The following NXPH1 variants were observed in gnomAD, a reference collection of about 807,000 sequenced individuals.
NXPH1 encodes the protein neurexophilin-1.
Under a neutral mutation model 23.7 loss-of-function variants are expected in NXPH1, and 5 were observed. The ratio of observed to expected loss-of-function variants is 0.21; its 90% CI spans 0.11 to 0.44. The LOEUF (loss-of-function observed/expected upper bound fraction) is 0.44, where lower values mean the gene tolerates loss of function less well. Ranked by LOEUF, NXPH1 falls within the 20% of genes least tolerant of loss-of-function variation. The pLI, the probability that NXPH1 is intolerant of heterozygous loss-of-function variation, is 0.99. For synonymous variants in NXPH1, 144 were observed against 122.2 expected (o/e 1.18, Z -1.18); for missense variants, 324 against 321.6 (o/e 1.01, Z -0.06).
intron 2 of NXPH1, among the ~76,000 whole-genome samples, chr7:8,671,341 G>A (rs536863494): frequency 1.4e-4 from 21 of 152,120 alleles, no homozygotes; most frequent in Non-Finnish European, 1.8e-4. Context: ...GGACAGATAG[G>A]TTCCTGAGCA....
chr7:8,600,431 C>A (rs60457812), intron 2 of NXPH1, among the ~76,000 whole-genome samples: 5,589 of 152,240 alleles, frequency 0.037, 305 homozygotes, highest in African/African-American at 0.12. Flanking sequence ...AGTGTCAGTT[C>A]CCAGGTATCA....
At chr7:8,441,990 C>T (rs1016803097) in intron 2 of NXPH1, among the ~76,000 whole-genome samples, 8 of 152,018 alleles carry the variant, frequency 5.3e-5, no homozygotes, top group Admixed American at 5.2e-4. Flanking sequence ...GCCGAAAGTT[C>T]CTTAGGCGTC....
At chr7:8,567,700 A>G (rs1158600980) in intron 2 of NXPH1, among the ~76,000 whole-genome samples, 5 of 151,828 alleles carry the variant, frequency 3.3e-5, no homozygotes, top group Admixed American at 3.3e-4. Context: ...AAGCCTGCAT[A>G]TTTCTCTGAG....
chr7:8,680,663 A>G (rs1430298484), intron 2 of NXPH1, among the ~76,000 whole-genome samples: 1 of 152,232 alleles, frequency 6.6e-6, no homozygotes, highest in Non-Finnish European at 1.5e-5. Flanking sequence ...GTGCTTAGTG[A>G]CTAAGGAAAA....
rs1208107351 is a variant in NXPH1 at position 8,434,103 on chromosome 7, G to A, written c.-763G>A. 2.0e-5 allele frequency: 3 copies of A among 152,274 alleles called. No individual in the cohort carries two copies. The East Asian group carries it at 5.8e-4, about 29-fold the overall frequency. The allele number at this position is 152,274 out of a possible 1,614,324, so 9.4% of individuals were successfully genotyped here. A position where few individuals can be genotyped will look rare whatever the true frequency, so the allele number is the denominator to read the frequency against. On this transcript the variant is annotated 5_prime_UTR_variant, in exon 1 of 3. Coordinates refer to ENST00000405863, the MANE Select transcript of NXPH1 (RefSeq NM_152745.3). The surrounding 1 kb of genome is among the most constrained non-coding windows in gnomAD (Gnocchi z 7.6). ...AGGGACAGCGCCCGGGACTCCACTG[G>A]GGACCGGCTCCTGGGCTTCCCAGCG...
chr7:8,529,673 A>G (rs1202528172), intron 2 of NXPH1, among the ~76,000 whole-genome samples: 4 of 152,186 alleles, frequency 2.6e-5, no homozygotes, highest in African/African-American at 9.6e-5. Flanking sequence ...CATGTGTATA[A>G]CAAAGATAAT....
At chr7:8,540,738 T>C (rs1584220954) in intron 2 of NXPH1, among the ~76,000 whole-genome samples, 2 of 151,710 alleles carry the variant, frequency 1.3e-5, no homozygotes, top group Non-Finnish European at 2.9e-5. Flanking sequence ...CAGCTGAAAA[T>C]GTTAGGGGTA....
At position 8,698,051 on chromosome 7, in the gene NXPH1, T is replaced by C. The variant is rs961231070; in HGVS notation, c.55-52957T>C. On this transcript the variant is annotated intron_variant, in intron 2 of 2. Transcript: ENST00000405863. Reference sequence around the variant, plus strand: ...TGTAAAGTGATCACTTTGGTTGTTATATGAAGAACCAACGGGGAAAGGACA... The same window carrying C: ...TGTAAAGTGATCACTTTGGTTGTTACATGAAGAACCAACGGGGAAAGGACA... Among the ~76,000 whole-genome samples, 4 of 152,176 alleles carry C rather than the reference T, an allele frequency of 2.6e-5. No individual in the cohort carries two copies. The South Asian group carries it at 6.2e-4, about 24-fold the overall frequency.
chr7:8,736,273 T>C (rs1352912544), intron 2 of NXPH1, among the ~76,000 whole-genome samples: 1 of 152,218 alleles, frequency 6.6e-6, no homozygotes, highest in Non-Finnish European at 1.5e-5. Context: ...TTTAGTGCTA[T>C]AAATTTCCCT....
intron 2 of NXPH1, among the ~76,000 whole-genome samples, chr7:8,648,494 C>A (rs564428736): frequency 3.3e-5 from 5 of 152,200 alleles, no homozygotes; most frequent in Admixed American, 1.3e-4. Flanking sequence ...ATGACTGGAT[C>A]TCATTGTATT....
chr7:8,675,416 T>A (rs1386038127), intron 2 of NXPH1, among the ~76,000 whole-genome samples: 1 of 152,208 alleles, frequency 6.6e-6, no homozygotes, highest in Non-Finnish European at 1.5e-5. Context: ...AGAATTGATA[T>A]ACAATGTACT....
At chr7:8,738,239 T>A (rs899033140) in intron 2 of NXPH1, among the ~76,000 whole-genome samples, 8 of 152,242 alleles carry the variant, frequency 5.3e-5, no homozygotes, top group Non-Finnish European at 1.0e-4. Context: ...TTTCAGTCTT[T>A]TGCACTGGTT....
intron 2 of NXPH1, among the ~76,000 whole-genome samples, chr7:8,455,561 A>C (rs746701537): frequency 2.6e-5 from 4 of 152,176 alleles, no homozygotes; most frequent in Non-Finnish European, 4.4e-5. Context: ...CTTTCTGTAC[A>C]CCATCTGCAC....
At chr7:8,741,384 C>T (rs916741359) in intron 2 of NXPH1, among the ~76,000 whole-genome samples, 2 of 151,660 alleles carry the variant, frequency 1.3e-5, no homozygotes, top group Non-Finnish European at 2.9e-5. Flanking sequence ...TTTTTGAGAC[C>T]CTGATTTCAT....
chr7:8,700,705 C>T (rs1268122692), intron 2 of NXPH1, among the ~76,000 whole-genome samples: 1 of 152,060 alleles, frequency 6.6e-6, no homozygotes, highest in Non-Finnish European at 1.5e-5. Flanking sequence ...TGGGGTAGCT[C>T]CCTTTACTGA....
rs971868335 is a variant in NXPH1, at chr7:8,475,949, T to G, written c.54+40182T>G. Among the ~76,000 whole-genome samples, 5 of 152,268 alleles carry G rather than the reference T, an allele frequency of 3.3e-5. No individual in the cohort carries two copies. The East Asian group carries it at 5.8e-4, about 18-fold the overall frequency. On this transcript the variant is annotated intron_variant, in intron 2 of 2. Coordinates refer to ENST00000405863, the MANE Select transcript of NXPH1 (RefSeq NM_152745.3). ...GCCACCCCTGCACAACCTCTCCAACTTCCACTCACCTTGCCAGCAAGGAAT... is the reference window on the plus strand; with the variant it reads ...GCCACCCCTGCACAACCTCTCCAACGTCCACTCACCTTGCCAGCAAGGAAT...
chr7:8,625,646 C>T (rs1819971416), intron 2 of NXPH1, among the ~76,000 whole-genome samples: 1 of 152,004 alleles, frequency 6.6e-6, no homozygotes, highest in Admixed American at 6.6e-5. Context: ...TCTATGGGTC[C>T]CTATTTCTCA....
intron 2 of NXPH1, among the ~76,000 whole-genome samples, chr7:8,593,082 T>C (rs914484729): frequency 6.6e-5 from 10 of 152,012 alleles, no homozygotes. Context: ...CATTAACAAT[T>C]TGTTGGGTTC....
intron 2 of NXPH1, among the ~76,000 whole-genome samples, chr7:8,627,043 C>G (rs1820006861): frequency 6.6e-6 from 1 of 152,030 alleles, no homozygotes; most frequent in South Asian, 2.1e-4. Context: ...CTGTTTATGT[C>G]TATTATATTA....
Sources: allele counts gnomAD v4.1 joint callset (sites outside exome capture counted in the v4.1 genomes callset), GRCh38; gene constraint gnomAD v4.1.1; non-coding constraint Gnocchi (gnomAD v3.1); transcripts MANE v1.5; gene names NCBI Gene and HGNC (gene_info 2026-07-23, HGNC 2026-07-21).